Variants in FOXA3 observed in about 807,000 individuals in gnomAD.
FOXA3 encodes hepatocyte nuclear factor 3-gamma.
Under a neutral mutation model 16.9 loss-of-function variants are expected in FOXA3, and 11 were observed. The observed-to-expected ratio is 0.65, with a 90% CI of 0.41 to 1.08. FOXA3 has a LOEUF of 1.08. Among genes scored for constraint, FOXA3 ranks in the 50% least tolerant of loss-of-function variants. The pLI is 0.00. For synonymous variants in FOXA3, 217 were observed against 203.3 expected (o/e 1.07, Z -0.57); for missense variants, 423 against 470.1 (o/e 0.90, Z 0.93).
intron 1 of FOXA3, among the ~76,000 whole-genome samples, chr19:45,871,488 A>G (rs931358599): frequency 6.6e-6 from 1 of 151,096 alleles, no homozygotes; most frequent in Non-Finnish European, 1.5e-5. Context: ...GCACTTTGGG[A>G]GGCCGAGGCG....
At chr19:45,867,502 C>T (rs539064436) in intron 1 of FOXA3, among the ~76,000 whole-genome samples, 86 of 151,804 alleles carry the variant, frequency 5.7e-4, no homozygotes, top group African/African-American at 1.6e-3. Flanking sequence ...GATGGTGGCT[C>T]GTCATGGTAG....
Position 45,872,780 on chromosome 19 carries a change from G to A in FOXA3, c.775G>A (p.Glu259Lys). Residue 259 changes from glutamate to lysine, a missense_variant, in exon 2 of 2, where the codon GAG becomes AAG. Around this residue, in one of 3 missense-constraint regions of FOXA3, gnomAD observed 168 missense variants for 179.3 expected, o/e 0.94. Coordinates refer to ENST00000302177, the MANE Select transcript of FOXA3 (RefSeq NM_004497.3). This position sits in a 1 kb window ranked among gnomAD's most constrained non-coding sequence, Gnocchi z 4.5. Reference sequence around the variant, plus strand: ...GCCCCAGCCCCCGCCTCCAGCCCCTGAGCCTGAGGCCCAGGGCGGGGAAGA... The same window carrying A: ...GCCCCAGCCCCCGCCTCCAGCCCCTAAGCCTGAGGCCCAGGGCGGGGAAGA... The part of the protein sequence containing the change: ...SPPQPPPPAP[E>K]PEAQGGEDVG... 6.2e-7 allele frequency: 1 copy of A among 1,611,418 alleles called. No homozygotes were observed. The highest frequency in any genetic ancestry group is 8.5e-7 in the Non-Finnish European group (1 of 1,179,678).
Position 45,872,091 on chromosome 19 carries a change from C to A in FOXA3, c.86C>A (p.Thr29Asn). ...PEAGEVYSPV[T>N]PVPTMAPLNS... ...TTCCCCTAGGTCTACTCGCCGGTGA[C>A]CCCAGTGCCCACCATGGCCCCCCTC... is the stretch of plus-strand genomic sequence containing the variant. Residue 29 changes from threonine to asparagine, a missense_variant, in exon 2 of 2, where the codon ACC becomes AAC. Thr to Asn is a moderately conservative substitution (Grantham distance 65). This residue lies in a region of FOXA3 where 170 missense variants were observed against 153.9 expected (regional missense o/e 1.10). Coordinates refer to ENST00000302177, the MANE Select transcript of FOXA3 (RefSeq NM_004497.3). This position sits in a 1 kb window ranked among gnomAD's most constrained non-coding sequence, Gnocchi z 4.5. 6.2e-7 allele frequency: 1 copy of A among 1,609,874 alleles called. No individual in the cohort carries two copies. The highest frequency in any genetic ancestry group is 8.5e-7 in the Non-Finnish European group (1 of 1,177,750).
chr19:45,867,723 T>G (rs1600548590), intron 1 of FOXA3, among the ~76,000 whole-genome samples: 1 of 134,736 alleles, frequency 7.4e-6, no homozygotes, highest in East Asian at 2.2e-4. Context: ...GAGGTTGCAG[T>G]GAGCCGAGAT....
chr19:45,871,647 T>C (rs1253650978), intron 1 of FOXA3, among the ~76,000 whole-genome samples: 1 of 150,760 alleles, frequency 6.6e-6, no homozygotes, highest in African/African-American at 2.4e-5. Flanking sequence ...TGCAGGAGAA[T>C]TGGTTGAGCC....
rs1314889853 is a variant in FOXA3 at position 45,872,292 on chromosome 19, G to A, written c.287G>A (p.Gly96Asp). 1 of 1,613,852 alleles carries A rather than the reference G, an allele frequency of 6.2e-7. No homozygotes were observed. Residue 96 changes from glycine (G) to aspartate (D), a missense_variant, in exon 2 of 2, where the codon GGT (glycine) becomes GAT (aspartate). Physicochemically the swap from Gly to Asp is moderately conservative, Grantham distance 94. Transcript: ENST00000302177. This position sits in a 1 kb window ranked among gnomAD's most constrained non-coding sequence, Gnocchi z 4.5. ...GSSSSGYGAPGPGLVHGKEMP... is the reference protein window; with the variant it reads ...GSSSSGYGAPDPGLVHGKEMP... ...AGCAGCTCCGGGTACGGGGCCCCGG[G>A]TCCTGGGCTGGTGCACGGGAAGGAG...
intron 1 of FOXA3, among the ~76,000 whole-genome samples, chr19:45,870,005 C>T (rs1340172036): frequency 7.9e-5 from 12 of 151,658 alleles, no homozygotes; most frequent in African/African-American, 2.9e-4. Flanking sequence ...AGGCTGGTCT[C>T]GAACTCCTGA....
At chr19:45,864,744 A>C (rs563374588) in intron 1 of FOXA3, among the ~76,000 whole-genome samples, 1 of 152,296 alleles carries the variant, frequency 6.6e-6, no homozygotes, top group East Asian at 1.9e-4. Flanking sequence ...CCAGGGCTTA[A>C]AAATGGAAGT....
Position 45,872,334 on chromosome 19 carries a change from G to C in FOXA3, c.329G>C (p.Arg110Pro). 1 of 1,613,836 alleles carries C rather than the reference G, an allele frequency of 6.2e-7. No individual in the cohort carries two copies. ...GGGAAGGAGATGCCGAAGGGGTATC[G>C]GCGGCCCCTGGCACACGCCAAGCCA... ...VHGKEMPKGY[R>P]RPLAHAKPPY... is the part of the protein sequence containing the mutation. Residue 110 changes from arginine (R) to proline (P), a missense_variant, in exon 2 of 2, where the codon CGG becomes CCG. Around this residue, in one of 3 missense-constraint regions of FOXA3, gnomAD observed 170 missense variants for 153.9 expected, o/e 1.10. Coordinates refer to ENST00000302177, the MANE Select transcript of FOXA3 (RefSeq NM_004497.3). This position sits in a 1 kb window ranked among gnomAD's most constrained non-coding sequence, Gnocchi z 4.5.
rs1966931549 is a variant in FOXA3 at position 45,873,548 on chromosome 19, G to A, written c.*490G>A. ...TGACAACGTCAGTGGGCCACCATGT[G>A]CCATGATGGCTGCTGCAGCCCCGTG... On this transcript the variant is annotated 3_prime_UTR_variant, in exon 2 of 2. Coordinates refer to ENST00000302177, the MANE Select transcript of FOXA3 (RefSeq NM_004497.3). The A allele has an allele frequency of 5.7e-6, 1 of 175,488 alleles. No homozygotes were observed. Among genetic ancestry groups the A allele is most frequent in the South Asian group, 1.4e-4 (1 of 7,324 alleles). 10.9% of individuals were successfully genotyped at this position (175,488 alleles called of 1,614,324 possible).
In FOXA3 at chr19:45,872,376, C is replaced by T. The variant is rs1966916586; in HGVS notation, c.371C>T (p.Ser124Leu). The T allele has an allele frequency of 1.2e-6, 2 of 1,614,108 alleles. No homozygotes were observed. The highest frequency in any genetic ancestry group is 1.7e-6 in the Non-Finnish European group (2 of 1,180,044). The change falls in exon 2 of 2, where the codon TCA becomes TTA. Residue 124 changes from serine (S) to leucine (L), a missense_variant. This residue lies in a region of FOXA3 where 85 missense variants were observed against 136.9 expected (regional missense o/e 0.62). Transcript: ENST00000302177. The surrounding 1 kb of genome is among the most constrained non-coding windows in gnomAD (Gnocchi z 4.5). ...AHAKPPYSYISLITMAIQQAP... is the reference protein window; with the variant it reads ...AHAKPPYSYILLITMAIQQAP... The stretch of plus-strand genomic sequence containing the variant: ...GCCAAGCCACCGTATTCCTATATCT[C>T]ACTCATCACCATGGCCATCCAGCAG...
In FOXA3 at chr19:45,872,735, G is replaced by T. The variant is rs775453392; in HGVS notation, c.730G>T (p.Ala244Ser). 2.5e-6 allele frequency: 4 copies of T among 1,601,410 alleles called. No individual in the cohort carries two copies. Among genetic ancestry groups the T allele is most frequent in the African/African-American group, 1.3e-5 (1 of 74,790 alleles). ...GTCTGCTGCCTCGACCACCACCCCC[G>T]CGGCCACAGTCACCTCCCCGCCCCA... is the stretch of plus-strand genomic sequence containing the variant. ...TGSAASTTTPAATVTSPPQPP... is the reference protein window; with the variant it reads ...TGSAASTTTPSATVTSPPQPP... The change falls in exon 2 of 2, where the codon GCG becomes TCG. Residue 244 changes from alanine to serine, a missense_variant. Physicochemically the swap from Ala to Ser is moderately conservative, Grantham distance 99 (BLOSUM62 1). Transcript: ENST00000302177. This position sits in a 1 kb window ranked among gnomAD's most constrained non-coding sequence, Gnocchi z 4.5.
rs767110472 is a variant in FOXA3, at chr19:45,864,503, G to C, written c.47G>C (p.Ser16Thr). 1.4e-5 allele frequency: 21 copies of C among 1,552,508 alleles called. No homozygotes were observed. The highest frequency in any genetic ancestry group is 1.7e-5 in the Non-Finnish European group (20 of 1,148,168). Residue 16 changes from serine (S) to threonine (T), a missense_variant, in exon 1 of 2, where the codon AGC becomes ACC. Physicochemically the swap from Ser to Thr is moderately conservative, Grantham distance 58 (BLOSUM62 1). Around this residue, in one of 3 missense-constraint regions of FOXA3, gnomAD observed 170 missense variants for 153.9 expected, o/e 1.10. Transcript: ENST00000302177. ...GAGGCCCATGACCTGGCCGAGTGGA[G>C]CTACTACCCGGAGGCGGGCGAGGTG... ...KMEAHDLAEW[S>T]YYPEAGEVYS... is the part of the protein sequence containing the mutation.
chr19:45,872,126 A>G lies in FOXA3; in HGVS notation c.121A>G (p.Met41Val), dbSNP rs1966910484. The G allele has an allele frequency of 1.2e-6, 2 of 1,601,808 alleles. No homozygotes were observed. Among genetic ancestry groups the G allele is most frequent in the South Asian group, 1.1e-5 (1 of 89,214 alleles). ...CACCATGGCCCCCCTCAACTCCTAC[A>G]TGACCCTGAATCCTCTAAGCTCTCC... The part of the protein sequence containing the change: ...VPTMAPLNSY[M>V]TLNPLSSPYP... The change falls in exon 2 of 2, where the codon ATG becomes GTG. Residue 41 changes from methionine (M) to valine (V), a missense_variant. Physicochemically the swap from Met to Val is conservative, Grantham distance 21. This residue lies in a region of FOXA3 where 170 missense variants were observed against 153.9 expected (regional missense o/e 1.10). Transcript: ENST00000302177. The surrounding 1 kb of genome is among the most constrained non-coding windows in gnomAD (Gnocchi z 4.5).
intron 1 of FOXA3, among the ~76,000 whole-genome samples, chr19:45,868,165 AAG>A (rs1972103715): frequency 6.6e-6 from 1 of 152,086 alleles, no homozygotes; most frequent in Non-Finnish European, 1.5e-5. Context: ...ATGAAAAGGA[AAG>A]AGCAGAGGAT....
chr19:45,872,767 G>A lies in FOXA3; in HGVS notation c.762G>A (p.Pro254=), dbSNP rs1047679583. Residue 254 remains proline (P), a synonymous_variant, in exon 2 of 2, where the codon CCG becomes CCA. Coordinates refer to ENST00000302177, the MANE Select transcript of FOXA3 (RefSeq NM_004497.3). This position sits in a 1 kb window ranked among gnomAD's most constrained non-coding sequence, Gnocchi z 4.5. ...CAGTCACCTCCCCGCCCCAGCCCCCGCCTCCAGCCCCTGAGCCTGAGGCCC... is the reference window on the plus strand; with the variant it reads ...CAGTCACCTCCCCGCCCCAGCCCCCACCTCCAGCCCCTGAGCCTGAGGCCC... ...AATVTSPPQP[P]PPAPEPEAQG... is the part of the protein sequence containing the mutation. The A allele has an allele frequency of 1.4e-5, 23 of 1,609,514 alleles. No individual in the cohort carries two copies. Among genetic ancestry groups the A allele is most frequent in the South Asian group, 8.8e-5 (8 of 90,886 alleles).
At chr19:45,870,927 A>G (rs1222777487) in intron 1 of FOXA3, among the ~76,000 whole-genome samples, 1 of 151,902 alleles carries the variant, frequency 6.6e-6, no homozygotes, top group Non-Finnish European at 1.5e-5. Flanking sequence ...CGTCTCTACT[A>G]AAAATACAAA....
At chr19:45,869,622 A>G (rs1972115690) in intron 1 of FOXA3, among the ~76,000 whole-genome samples, 1 of 152,088 alleles carries the variant, frequency 6.6e-6, no homozygotes, top group South Asian at 2.1e-4. Context: ...TATGATTTTA[A>G]CTGAGTGTTT....
At chr19:45,864,562 G>A in intron 1 of FOXA3, 37 bp downstream of exon 1, 1 of 1,482,292 alleles carries the variant, frequency 6.7e-7, no homozygotes, top group Non-Finnish European at 9.0e-7. Flanking sequence ...GAAGTTGGGG[G>A]CAGGTATCGG....
Sources: gnomAD v4.1 joint callset for allele counts (sites outside exome capture counted in the v4.1 genomes callset) on GRCh38, gnomAD v4.1.1 for gene constraint, gnomAD v4.1.1 regional missense constraint, Gnocchi (gnomAD v3.1) non-coding constraint, MANE v1.5 for transcripts, NCBI Gene and HGNC (gene_info 2026-07-23, HGNC 2026-07-21) for gene names.